Variants in MYO1D observed in about 807,000 individuals in gnomAD.
MYO1D encodes the protein unconventional myosin-Id.
Under a neutral mutation model 122.0 loss-of-function variants are expected in MYO1D, and 83 were observed. The observed-to-expected ratio is 0.68, with a 90% CI of 0.57 to 0.82. MYO1D has a LOEUF of 0.82. Ranked by LOEUF, MYO1D falls within the 40% of genes least tolerant of loss-of-function variation. The probability of loss-of-function intolerance (pLI) is 0.00; values close to 1 mark genes in which losing one functional copy is unlikely to be tolerated. For missense variants in MYO1D, 1,157 were observed against 1,269.5 expected (o/e 0.91, Z 1.35); for synonymous variants, 464 against 446.9 (o/e 1.04, Z -0.48).
intron 16 of MYO1D, among the ~76,000 whole-genome samples, chr17:32,703,691 C>T (rs1247121626): frequency 6.6e-6 from 1 of 152,118 alleles, no homozygotes; most frequent in Non-Finnish European, 1.5e-5. Context: ...TATCCCATTC[C>T]TCTTCCGAGA....
intron 1 of MYO1D, among the ~76,000 whole-genome samples, chr17:32,783,242 G>C (rs550715465): frequency 1.3e-5 from 2 of 152,114 alleles, no homozygotes; most frequent in Admixed American, 1.3e-4. Context: ...AATTATGTAT[G>C]AGATTAGACT....
chr17:32,559,802 C>G (rs2087101284), intron 21 of MYO1D, among the ~76,000 whole-genome samples: 1 of 152,140 alleles, frequency 6.6e-6, no homozygotes, highest in South Asian at 2.1e-4. Context: ...TGATATCTAT[C>G]ATTAATTTTT....
intron 21 of MYO1D, among the ~76,000 whole-genome samples, chr17:32,568,810 G>A (rs1016579157): frequency 6.6e-6 from 1 of 152,232 alleles, no homozygotes; most frequent in African/African-American, 2.4e-5. Context: ...TTCTGGAAGA[G>A]TGAGTGCACA....
chr17:32,765,058 A>G lies in MYO1D; in HGVS notation c.855T>C (p.Asp285=), dbSNP rs940583656. ...CATTCTCAATAAGAGGCGTGTCACC[A>G]TCTACTACAAATTTTAAATTTCCCT... The part of the protein sequence containing the change: ...LHLGNLKFVV[D]GDTPLIENGK... The change falls in exon 8 of 22, where the codon GAT becomes GAC. Residue 285 remains aspartate, a synonymous_variant. Transcript: ENST00000318217. The G allele has an allele frequency of 6.2e-7, 1 of 1,612,912 alleles. No individual in the cohort carries two copies. The highest frequency in any genetic ancestry group is 8.5e-7 in the Non-Finnish European group (1 of 1,179,332).
At chr17:32,875,861 A>G (rs940193606) in intron 1 of MYO1D, among the ~76,000 whole-genome samples, 2 of 152,242 alleles carry the variant, frequency 1.3e-5, no homozygotes, top group Non-Finnish European at 2.9e-5. Flanking sequence ...CACGCACACC[A>G]AAACTCAGCT....
chr17:32,865,739 G>A (rs188212223), intron 1 of MYO1D, among the ~76,000 whole-genome samples: 37 of 152,336 alleles, frequency 2.4e-4, no homozygotes, highest in Admixed American at 1.5e-3. Flanking sequence ...CCCATGCTGG[G>A]ATAATTGTAA....
At chr17:32,502,467 A>G (rs1403380726) in intron 21 of MYO1D, among the ~76,000 whole-genome samples, 1 of 152,140 alleles carries the variant, frequency 6.6e-6, no homozygotes, top group East Asian at 1.9e-4. Flanking sequence ...TGATGAAAAT[A>G]TTCCGGAACT....
chr17:32,837,919 G>A, intron 1 of MYO1D, among the ~76,000 whole-genome samples: 1 of 152,084 alleles, frequency 6.6e-6, no homozygotes, highest in Non-Finnish European at 1.5e-5. Context: ...TTTATCAAGT[G>A]CTTTTTAGAG....
intron 19 of MYO1D, 83 bp downstream of exon 19, chr17:32,653,760 T>C (rs1275101710): frequency 4.3e-6 from 5 of 1,168,080 alleles, no homozygotes; most frequent in Non-Finnish European, 5.0e-6. Flanking sequence ...CCTACTGTTA[T>C]GTTTTATTAC....
chr17:32,826,153 G>C (rs2090720820), intron 1 of MYO1D, among the ~76,000 whole-genome samples: 1 of 151,468 alleles, frequency 6.6e-6, no homozygotes, highest in South Asian at 2.1e-4. Flanking sequence ...TAGAGATCTT[G>C]ATGATACATT....
intron 1 of MYO1D, 105 bp from the exon 2 acceptor site, chr17:32,780,889 ATGATTTC>A: frequency 8.9e-7 from 1 of 1,125,732 alleles, no homozygotes; most frequent in South Asian, 1.4e-5. Flanking sequence ...TATCCTAGGA[ATGATTTC>A]TGAACTGACG....
chr17:32,761,108 G>T (rs138559151), intron 8 of MYO1D, among the ~76,000 whole-genome samples: 124 of 152,206 alleles, frequency 8.1e-4, no homozygotes, highest in African/African-American at 2.7e-3. Context: ...CCTGAGAATC[G>T]AACACACATC....
In MYO1D at chr17:32,861,610, T is replaced by A. The variant is rs1402841290; in HGVS notation, c.95+15168A>T. On this transcript the variant is annotated intron_variant, in intron 1 of 21. Transcript: ENST00000318217. Reference sequence around the variant, plus strand: ...TATGTCCCAAGACCCTTCCGCAAAGTGTGGTCCCTGATGAGTGCTCCATCT... The same window carrying A: ...TATGTCCCAAGACCCTTCCGCAAAGAGTGGTCCCTGATGAGTGCTCCATCT... Among the ~76,000 whole-genome samples the A allele has an allele frequency of 2.0e-5, 3 of 152,264 alleles. No individual in the cohort carries two copies. The East Asian group carries it at 5.8e-4, about 29-fold the overall frequency.
intron 6 of MYO1D, among the ~76,000 whole-genome samples, chr17:32,768,933 A>G (rs919227164): frequency 6.6e-6 from 1 of 152,204 alleles, no homozygotes; most frequent in Non-Finnish European, 1.5e-5. Flanking sequence ...CTTACCTAAC[A>G]GCCATCCTCT....
chr17:32,685,327 AC>A (rs1283966420), intron 16 of MYO1D, among the ~76,000 whole-genome samples: 2 of 152,238 alleles, frequency 1.3e-5, no homozygotes, highest in African/African-American at 4.8e-5. Flanking sequence ...TGAACTAGAT[AC>A]CCAAGCTCAT....
At chr17:32,580,785 C>T (rs777298285) in intron 21 of MYO1D, among the ~76,000 whole-genome samples, 2 of 152,106 alleles carry the variant, frequency 1.3e-5, no homozygotes. Flanking sequence ...CACTTGGTCA[C>T]AATGTATTAT....
intron 21 of MYO1D, among the ~76,000 whole-genome samples, chr17:32,540,279 G>A (rs1200529412): frequency 1.5e-5 from 2 of 133,810 alleles, no homozygotes; most frequent in East Asian, 2.0e-4. Context: ...GCAGCGAGCC[G>A]AGATCGCGTC....
At chr17:32,625,005 G>T (rs1567915925) in intron 20 of MYO1D, among the ~76,000 whole-genome samples, 1 of 152,058 alleles carries the variant, frequency 6.6e-6, no homozygotes, top group African/African-American at 2.4e-5. Flanking sequence ...TGGCCAGGCT[G>T]GTCTTGAACT....
intron 1 of MYO1D, among the ~76,000 whole-genome samples, chr17:32,833,257 C>G (rs1291335180): frequency 1.3e-5 from 2 of 152,186 alleles, no homozygotes; most frequent in Non-Finnish European, 2.9e-5. Context: ...CAAAGTATAT[C>G]TAGAATCTGT....
Sources: allele counts gnomAD v4.1 joint callset (sites outside exome capture counted in the v4.1 genomes callset), GRCh38; gene constraint gnomAD v4.1.1; transcripts MANE v1.5; gene names NCBI Gene and HGNC (gene_info 2026-07-23, HGNC 2026-07-21).